The following TFEB variants were observed in gnomAD, a reference collection of about 807,000 sequenced individuals.
The protein encoded by TFEB is transcription factor EB.
In TFEB, 12 loss-of-function variants were observed where a neutral mutation model predicts 48.0. The observed-to-expected ratio is 0.25, with a 90% CI of 0.16 to 0.40. The LOEUF (loss-of-function observed/expected upper bound fraction) is 0.40, where lower values mean the gene tolerates loss of function less well. TFEB is among the 10% of genes least tolerant of loss of function. The probability of loss-of-function intolerance (pLI) is 1.00; values close to 1 mark genes in which losing one functional copy is unlikely to be tolerated. For missense variants in TFEB, 509 were observed against 640.3 expected (o/e 0.79, Z 2.21); for synonymous variants, 244 against 261.4 (o/e 0.93, Z 0.64).
Position 41,734,831 on chromosome 6 carries a change from G to A in TFEB, c.-23+519C>T. Reference sequence around the variant, plus strand: ...CCCATCAGCCCAGCCCCCGGGGCGTGGCGCCGCTCTGGCCCTCCCACTCCC... The same window carrying A: ...CCCATCAGCCCAGCCCCCGGGGCGTAGCGCCGCTCTGGCCCTCCCACTCCC... On this transcript the variant is annotated intron_variant, in intron 1 of 8. Coordinates refer to ENST00000373033, the MANE Select transcript of TFEB (RefSeq NM_001271944.2). This position sits in a 1 kb window ranked among gnomAD's most constrained non-coding sequence, Gnocchi z 4.0. The A allele has an allele frequency of 3.2e-6, 3 of 941,522 alleles. No individual in the cohort carries two copies. The highest frequency in any genetic ancestry group is 3.8e-6 in the Non-Finnish European group (3 of 790,012). 58.3% of individuals were successfully genotyped at this position (941,522 alleles called of 1,614,324 possible). A position where few individuals can be genotyped will look rare whatever the true frequency, so the allele number is the denominator to read the frequency against.
At chr6:41,713,100 C>T (rs1353767868) in intron 1 of TFEB, among the ~76,000 whole-genome samples, 1 of 151,982 alleles carries the variant, frequency 6.6e-6, no homozygotes, top group South Asian at 2.1e-4. Flanking sequence ...AGTCTGGCTG[C>T]GACCCCCACC....
intron 1 of TFEB, among the ~76,000 whole-genome samples, chr6:41,711,701 C>T (rs1770484956): frequency 1.3e-5 from 2 of 152,226 alleles, no homozygotes; most frequent in South Asian, 4.1e-4. Flanking sequence ...CTCCCCCAAG[C>T]CCCAGGGGGT....
chr6:41,720,683 G>A lies in TFEB; in HGVS notation c.-23+14667C>T, dbSNP rs551953360. ...GGCTCAAGCTGAGAGCCAGGTTGCA[G>A]GCCAGGCCCACGTGGGTCTCACCCA... is the stretch of plus-strand genomic sequence containing the variant. On this transcript the variant is annotated intron_variant, in intron 1 of 8. Transcript: ENST00000373033. This position sits in a 1 kb window ranked among gnomAD's most constrained non-coding sequence, Gnocchi z 4.1. The A allele has an allele frequency of 1.1e-4, 17 of 152,238 alleles. No homozygotes were observed. Among genetic ancestry groups the A allele is most frequent in the African/African-American group, 3.9e-4 (16 of 41,496 alleles). 9.4% of individuals were successfully genotyped at this position (152,238 alleles called of 1,614,324 possible).
intron 1 of TFEB, among the ~76,000 whole-genome samples, chr6:41,728,841 G>A (rs1771329338): frequency 6.6e-6 from 1 of 152,112 alleles, no homozygotes. Flanking sequence ...AGGCCCCTGG[G>A]TGTCAGCTGG....
chr6:41,684,644 G>A lies in TFEB; in HGVS notation c.1386C>T (p.Ser462=). The change falls in exon 9 of 9, where the codon AGC becomes AGT. Residue 462 remains serine, a synonymous_variant. Coordinates refer to ENST00000373033, the MANE Select transcript of TFEB (RefSeq NM_001271944.2). ...CCATGCTGAAGCTGCTCCGGCGGCT[G>A]CTGGCCTTGGAGGCCTCGGGGGACA... ...STMSPEASKA[S]SRRSSFSMEE... is the part of the protein sequence containing the mutation. The A allele has an allele frequency of 6.2e-7, 1 of 1,609,334 alleles. No homozygotes were observed. Among genetic ancestry groups the A allele is most frequent in the South Asian group, 1.1e-5 (1 of 90,402 alleles).
chr6:41,706,964 A>G (rs1233408459), intron 1 of TFEB, among the ~76,000 whole-genome samples: 1 of 152,118 alleles, frequency 6.6e-6, no homozygotes, highest in Non-Finnish European at 1.5e-5. Flanking sequence ...TGAACTCTGC[A>G]TGTGATGGGG....
rs1269553037 is a variant in TFEB at position 41,720,422 on chromosome 6, C to G, written c.-23+14928G>C. On this transcript the variant is annotated intron_variant, in intron 1 of 8. Transcript: ENST00000373033. The surrounding 1 kb of genome is among the most constrained non-coding windows in gnomAD (Gnocchi z 4.1). ...GACAGGCAGCTGATGTCCTCATGAC[C>G]TTCCCCAGTCCTCCCAGCCTTAAAG... The G allele has an allele frequency of 6.6e-6, 1 of 152,366 alleles. No individual in the cohort carries two copies. Among genetic ancestry groups the G allele is most frequent in the Non-Finnish European group, 1.5e-5 (1 of 68,192 alleles). 9.4% of individuals were successfully genotyped at this position (152,366 alleles called of 1,614,324 possible). A position where few individuals can be genotyped will look rare whatever the true frequency, so the allele number is the denominator to read the frequency against.
chr6:41,706,761 C>A (rs898997045), intron 1 of TFEB, among the ~76,000 whole-genome samples: 2 of 151,906 alleles, frequency 1.3e-5, no homozygotes, highest in African/African-American at 4.8e-5. Flanking sequence ...CAACAGCCCA[C>A]CAAGTCACCC....
intron 1 of TFEB, among the ~76,000 whole-genome samples, chr6:41,695,459 C>T (rs1769528839): frequency 6.6e-6 from 1 of 152,218 alleles, no homozygotes; most frequent in Non-Finnish European, 1.5e-5. Flanking sequence ...AATGTTAATT[C>T]TGTTTTTTCT....
At chr6:41,736,004 G>T, upstream of TFEB, 1 of 1,055,036 alleles carries the variant, frequency 9.5e-7, no homozygotes, top group Non-Finnish European at 1.5e-6. Flanking sequence ...GGAGTAGGGT[G>T]CAGGACCTGG....
chr6:41,686,944 G>A (rs1769041707), intron 7 of TFEB, 150 bp downstream of exon 7: 1 of 695,310 alleles, frequency 1.4e-6, no homozygotes, highest in Non-Finnish European at 2.5e-6. Context: ...TTCCTGATTT[G>A]GGAGAGGGAG....
rs564696208 is a variant in TFEB, at chr6:41,690,335, G to A, written c.468+328C>T. ...AGTAGAGATAGGGTTTCACTATGTT[G>A]GCCAGGCTGTTCTCAAACTCCTGAC... On this transcript the variant is annotated intron_variant, in intron 3 of 8. Coordinates refer to ENST00000373033, the MANE Select transcript of TFEB (RefSeq NM_001271944.2). Among the ~76,000 whole-genome samples the A allele has an allele frequency of 2.4e-4, 36 of 152,216 alleles. No homozygotes were observed. In the South Asian group the frequency reaches 3.9e-3, roughly 17 times the overall value.
intron 1 of TFEB, among the ~76,000 whole-genome samples, chr6:41,725,537 G>A (rs1771168665): frequency 6.6e-6 from 1 of 152,144 alleles, no homozygotes; most frequent in Non-Finnish European, 1.5e-5. Flanking sequence ...TGCCACTTAG[G>A]GGGTCTCCCC....
chr6:41,689,873 A>AT, intron 3 of TFEB, 62 bp from the exon 4 acceptor site: 1 of 1,388,114 alleles, frequency 7.2e-7, no homozygotes, highest in Non-Finnish European at 1.0e-6. Context: ...GGAAAGAGGC[A>AT]TTGGGACAAC....
chr6:41,725,944 G>C (rs760628247), intron 1 of TFEB, among the ~76,000 whole-genome samples: 5 of 152,130 alleles, frequency 3.3e-5, no homozygotes, highest in African/African-American at 1.2e-4. Context: ...ATTTACTGAA[G>C]TTGAAATATA....
chr6:41,710,736 G>C (rs1186476696), intron 1 of TFEB, among the ~76,000 whole-genome samples: 1 of 152,082 alleles, frequency 6.6e-6, no homozygotes, highest in African/African-American at 2.4e-5. Flanking sequence ...CAGCCAAGGG[G>C]ACCTCCTTGC....
At chr6:41,710,275 C>T (rs1414788683) in intron 1 of TFEB, among the ~76,000 whole-genome samples, 1 of 152,132 alleles carries the variant, frequency 6.6e-6, no homozygotes, top group Non-Finnish European at 1.5e-5. Context: ...GCCTTCATAC[C>T]AGCTCCCACC....
In TFEB at chr6:41,688,013, T is replaced by C. The variant is rs763384049; in HGVS notation, c.565A>G (p.Ser189Gly). The C allele has an allele frequency of 6.2e-7, 1 of 1,612,210 alleles. No individual in the cohort carries two copies. The highest frequency in any genetic ancestry group is 2.2e-5 in the East Asian group (1 of 44,820). ...TCGCTGCTGTACACATTCAGGTGGC[T>C]GCTGGACAGGGGTAGCTGTGGGGTA... is the stretch of plus-strand genomic sequence containing the variant. ...QMPNTLPLSS[S>G]HLNVYSSDPQ... is the part of the protein sequence containing the mutation. The change falls in exon 5 of 9, where the codon AGC becomes GGC. Residue 189 changes from serine (S) to glycine (G), a missense_variant. This residue lies in a region of TFEB where 251 missense variants were observed against 317.2 expected (regional missense o/e 0.79). Coordinates refer to ENST00000373033, the MANE Select transcript of TFEB (RefSeq NM_001271944.2).
In TFEB at chr6:41,723,800, C is replaced by A; in HGVS notation, c.-23+11550G>T. The A allele has an allele frequency of 2.6e-6, 1 of 384,038 alleles. No individual in the cohort carries two copies. The highest frequency in any genetic ancestry group is 1.9e-5 in the South Asian group (1 of 53,088). The allele number at this position is 384,038 out of a possible 1,614,324, so 23.8% of individuals were successfully genotyped here. ...CTTGGTCCTCCCACAGGAGGCCTCT[C>A]ATGGCCGCCCTGACCCCAGCCTGAC... On this transcript the variant is annotated intron_variant, in intron 1 of 8. Transcript: ENST00000373033. This position sits in a 1 kb window ranked among gnomAD's most constrained non-coding sequence, Gnocchi z 6.0.
Sources: allele counts gnomAD v4.1 joint callset (sites outside exome capture counted in the v4.1 genomes callset), GRCh38; gene constraint gnomAD v4.1.1; regional missense constraint gnomAD v4.1.1; non-coding constraint Gnocchi (gnomAD v3.1); transcripts MANE v1.5; gene names NCBI Gene and HGNC (gene_info 2026-07-23, HGNC 2026-07-21).